GALNT13: variants seen among roughly 807,000 people sequenced by gnomAD.
GALNT13 encodes the protein UDP-GalNAc:polypeptide N-acetylgalactosaminyltransferase 13.
GALNT13 carries 28 observed loss-of-function variants against 64.2 expected under a neutral mutation model. The ratio of observed to expected loss-of-function variants is 0.44; its 90% CI spans 0.32 to 0.60. GALNT13 has a LOEUF of 0.60. GALNT13 is among the 20% of genes least tolerant of loss of function. The pLI is 0.05. For synonymous variants in GALNT13, 214 were observed against 224.6 expected (o/e 0.95, Z 0.42); for missense variants, 577 against 669.8 (o/e 0.86, Z 1.53).
chr2:153,162,979 C>T, the GALNT13 span, among the ~76,000 whole-genome samples: 1 of 152,094 alleles, frequency 6.6e-6, no homozygotes, highest in African/African-American at 2.4e-5. Context: ...AAGTTGTGGC[C>T]TTTGAAAGGA....
chr2:154,272,632 A>G (rs1052623420), intron 8 of GALNT13, among the ~76,000 whole-genome samples: 6 of 152,128 alleles, frequency 3.9e-5, no homozygotes, highest in African/African-American at 1.4e-4. Context: ...TGAACAGACA[A>G]GTTTCATATC....
the GALNT13 span, among the ~76,000 whole-genome samples, chr2:153,834,084 G>A: frequency 4.6e-5 from 7 of 152,050 alleles, no homozygotes; most frequent in African/African-American, 1.7e-4. Flanking sequence ...TTAATATACC[G>A]GCTTGCCTGT....
At chr2:153,883,773 C>T (rs937366571) in intron 1 of GALNT13, among the ~76,000 whole-genome samples, 1 of 151,878 alleles carries the variant, frequency 6.6e-6, no homozygotes, top group Non-Finnish European at 1.5e-5. Context: ...GTAGAAATGT[C>T]AGGTAAAACA....
chr2:153,179,191 A>C, the GALNT13 span, among the ~76,000 whole-genome samples: 1 of 152,180 alleles, frequency 6.6e-6, no homozygotes, highest in Non-Finnish European at 1.5e-5. Context: ...TAAATCTTTC[A>C]TCCACATTGA....
intron 11 of GALNT13, among the ~76,000 whole-genome samples, chr2:154,412,977 A>C (rs1262371632): frequency 1.3e-5 from 2 of 151,912 alleles, no homozygotes; most frequent in Non-Finnish European, 2.9e-5. Context: ...ACTTGAATAT[A>C]AACTTTTACA....
chr2:153,088,627 T>C, the GALNT13 span, among the ~76,000 whole-genome samples: 12 of 152,198 alleles, frequency 7.9e-5, no homozygotes, highest in African/African-American at 2.9e-4. Flanking sequence ...AATTGTTTTG[T>C]AAATTTGGGA....
chr2:154,109,009 C>A (rs538914561), intron 3 of GALNT13, among the ~76,000 whole-genome samples: 1 of 151,796 alleles, frequency 6.6e-6, no homozygotes, highest in South Asian at 2.1e-4. Flanking sequence ...CTCATGATTA[C>A]CTTGGTTATT....
chr2:153,560,151 C>T, the GALNT13 span, among the ~76,000 whole-genome samples: 3 of 151,886 alleles, frequency 2.0e-5, no homozygotes, highest in South Asian at 6.2e-4. Flanking sequence ...AAAGTACTGT[C>T]CCTTTAGTGG....
the GALNT13 span, among the ~76,000 whole-genome samples, chr2:153,184,732 G>GT: frequency 6.6e-6 from 1 of 152,054 alleles, no homozygotes; most frequent in African/African-American, 2.4e-5. Context: ...TAATCATGTG[G>GT]TTTTGTCTTG....
the GALNT13 span, among the ~76,000 whole-genome samples, chr2:153,665,596 A>AC: frequency 6.6e-6 from 1 of 152,128 alleles, no homozygotes; most frequent in Non-Finnish European, 1.5e-5. Flanking sequence ...GAAGAAGAAT[A>AC]CCCATCATTT....
intron 3 of GALNT13, among the ~76,000 whole-genome samples, chr2:154,011,536 T>C (rs969445224): frequency 2.0e-5 from 3 of 152,180 alleles, no homozygotes; most frequent in African/African-American, 7.2e-5. Context: ...GAGAAGAATG[T>C]ATATTCTGTT....
chr2:154,398,268 G>T (rs1459909798), intron 10 of GALNT13, among the ~76,000 whole-genome samples: 1 of 152,056 alleles, frequency 6.6e-6, no homozygotes, highest in Non-Finnish European at 1.5e-5. Flanking sequence ...AATGACCAAG[G>T]GCTATAACAG....
intron 9 of GALNT13, among the ~76,000 whole-genome samples, chr2:154,303,502 T>G (rs1384348718): frequency 6.6e-6 from 1 of 152,146 alleles, no homozygotes; most frequent in Non-Finnish European, 1.5e-5. Context: ...AGCATCTATA[T>G]CTGCAGTTCA....
chr2:154,338,719 G>C (rs1029109259), intron 9 of GALNT13, among the ~76,000 whole-genome samples: 1 of 152,062 alleles, frequency 6.6e-6, no homozygotes, highest in African/African-American at 2.4e-5. Flanking sequence ...ATAGTTCCTA[G>C]TTGTCTGGTA....
the GALNT13 span, among the ~76,000 whole-genome samples, chr2:153,441,637 G>A: frequency 6.6e-6 from 1 of 152,114 alleles, no homozygotes; most frequent in Non-Finnish European, 1.5e-5. Context: ...GCAATGGTTT[G>A]CAGTTCTCCT....
chr2:153,229,988 G>C, the GALNT13 span, among the ~76,000 whole-genome samples: 1 of 152,194 alleles, frequency 6.6e-6, no homozygotes, highest in Non-Finnish European at 1.5e-5. Flanking sequence ...GTTTTCTGAG[G>C]TTATTAGAAA....
chr2:153,352,493 A>G, the GALNT13 span, among the ~76,000 whole-genome samples: 4 of 152,086 alleles, frequency 2.6e-5, no homozygotes, highest in South Asian at 4.1e-4. Flanking sequence ...CTCATGGATT[A>G]TGTCTTCAGT....
chr2:153,683,181 C>T, the GALNT13 span, among the ~76,000 whole-genome samples: 1 of 151,638 alleles, frequency 6.6e-6, no homozygotes, highest in South Asian at 2.1e-4. Flanking sequence ...GGGTTCAAAT[C>T]TTGGCCATCA....
intron 9 of GALNT13, among the ~76,000 whole-genome samples, chr2:154,367,180 A>T (rs1697417005): frequency 6.6e-6 from 1 of 152,182 alleles, no homozygotes; most frequent in African/African-American, 2.4e-5. Context: ...AAATGAGATG[A>T]AACATAAGTG....
Sources: gnomAD v4.1 joint callset for allele counts (sites outside exome capture counted in the v4.1 genomes callset) on GRCh38, gnomAD v4.1.1 for gene constraint, MANE v1.5 for transcripts, NCBI Gene and HGNC (gene_info 2026-07-23, HGNC 2026-07-21) for gene names.